Variants in TRAPPC9 observed in about 807,000 individuals in gnomAD.
TRAPPC9 encodes the protein IKK2 binding protein.
Under a neutral mutation model 124.0 loss-of-function variants are expected in TRAPPC9, and 83 were observed. The observed-to-expected ratio is 0.67, with a 90% CI of 0.56 to 0.80. The LOEUF (loss-of-function observed/expected upper bound fraction) is 0.80. Among genes scored for constraint, TRAPPC9 ranks in the 30% least tolerant of loss-of-function variants. The pLI is 0.00. For synonymous variants in TRAPPC9, 638 were observed against 617.5 expected, an observed-to-expected ratio of 1.03 and a Z score of -0.49; for missense variants, 1,302 against 1,508.3, an observed-to-expected ratio of 0.86 and a Z score of 2.27.
intron 17 of TRAPPC9, among the ~76,000 whole-genome samples, chr8:140,107,804 C>T (rs1478717953): frequency 1.3e-5 from 2 of 152,174 alleles, no homozygotes; most frequent in Non-Finnish European, 2.9e-5. Flanking sequence ...GCATGCATGG[C>T]GCACTCTGAC....
chr8:140,293,308 G>A (rs1234251505), intron 11 of TRAPPC9, among the ~76,000 whole-genome samples: 1 of 151,236 alleles, frequency 6.6e-6, no homozygotes, highest in African/African-American at 2.5e-5. Context: ...TCAGTGTGGC[G>A]ATTCCTCAGG....
chr8:140,244,419 G>A (rs2063930315), intron 16 of TRAPPC9, among the ~76,000 whole-genome samples: 1 of 152,154 alleles, frequency 6.6e-6, no homozygotes, highest in Non-Finnish European at 1.5e-5. Flanking sequence ...ACTGTCAGCA[G>A]GGAAAGTTGA....
intron 19 of TRAPPC9, among the ~76,000 whole-genome samples, chr8:139,928,328 C>T (rs1166603389): frequency 1.3e-5 from 2 of 152,082 alleles, no homozygotes; most frequent in East Asian, 3.9e-4. Context: ...GCCGTCTCTA[C>T]TAAAAAGACA....
rs1010330936 is a variant in TRAPPC9, at chr8:140,435,012, A to G, written c.859+100T>C. The G allele has an allele frequency of 1.2e-5, 19 of 1,550,616 alleles. No individual in the cohort carries two copies. The Admixed American group carries it at 3.8e-4, about 31-fold the overall frequency. ...ACTGACTCAACAGATTTTACAGTTT[A>G]TTTAAATATTAGTCCTAACTCAAAG... On this transcript the variant is annotated intron_variant, in intron 4 of 22. Coordinates refer to ENST00000438773, the MANE Select transcript of TRAPPC9 (RefSeq NM_001160372.4).
At chr8:139,745,211 G>A (rs13268917) in intron 21 of TRAPPC9, among the ~76,000 whole-genome samples, 115,932 of 152,206 alleles carry the variant, frequency 0.76, 45,861 homozygotes, top group East Asian at 0.89. Context: ...CAGGATCCTC[G>A]GGTCGAAGGC....
intron 15 of TRAPPC9, among the ~76,000 whole-genome samples, chr8:140,256,368 ACAT>A (rs1338810617): frequency 6.6e-6 from 1 of 152,218 alleles, no homozygotes; most frequent in East Asian, 1.9e-4. Context: ...ACACAAAATC[ACAT>A]CATCAATTGG....
chr8:140,186,579 A>AT (rs2062359735), intron 17 of TRAPPC9, among the ~76,000 whole-genome samples: 1 of 152,154 alleles, frequency 6.6e-6, no homozygotes, highest in East Asian at 1.9e-4. Context: ...AAAAAAAAAA[A>AT]GTTATTAAAT....
At chr8:139,887,113 G>A (rs1367235942) in intron 20 of TRAPPC9, among the ~76,000 whole-genome samples, 1 of 152,012 alleles carries the variant, frequency 6.6e-6, no homozygotes, top group East Asian at 1.9e-4. Context: ...AAGAGAGCCC[G>A]CCGGTCACAC....
At chr8:140,102,169 A>C (rs772740489) in intron 17 of TRAPPC9, among the ~76,000 whole-genome samples, 1 of 152,168 alleles carries the variant, frequency 6.6e-6, no homozygotes, top group Non-Finnish European at 1.5e-5. Flanking sequence ...TTTGTAAGAG[A>C]CAATAAATGT....
intron 16 of TRAPPC9, among the ~76,000 whole-genome samples, chr8:140,234,016 CTTAAAT>C (rs1472539127): frequency 6.6e-6 from 1 of 152,140 alleles, no homozygotes; most frequent in African/African-American, 2.4e-5. Flanking sequence ...AATGTGGGTA[CTTAAAT>C]TTAAAGTAAT....
At chr8:139,926,843 G>T (rs1832848778) in intron 19 of TRAPPC9, among the ~76,000 whole-genome samples, 1 of 151,988 alleles carries the variant, frequency 6.6e-6, no homozygotes, top group Non-Finnish European at 1.5e-5. Flanking sequence ...AAACTAAACT[G>T]CATCAAATGT....
intron 7 of TRAPPC9, among the ~76,000 whole-genome samples, chr8:140,383,191 G>GA (rs1203852403): frequency 1.3e-5 from 2 of 152,178 alleles, no homozygotes; most frequent in Non-Finnish European, 2.9e-5. Flanking sequence ...ACCAAAGGTA[G>GA]AAAAAACCAC....
At chr8:139,995,510 T>C (rs1837908888) in intron 18 of TRAPPC9, among the ~76,000 whole-genome samples, 1 of 152,040 alleles carries the variant, frequency 6.6e-6, no homozygotes, top group Admixed American at 6.5e-5. Flanking sequence ...TTTGCATCAC[T>C]CTGATTTCCT....
intron 17 of TRAPPC9, among the ~76,000 whole-genome samples, chr8:140,143,476 A>G (rs968557494): frequency 2.0e-4 from 31 of 152,220 alleles, no homozygotes; most frequent in African/African-American, 7.5e-4. Flanking sequence ...ATACAGAAAA[A>G]TGCGTAACAC....
chr8:139,897,307 G>T (rs1830725557), intron 20 of TRAPPC9, among the ~76,000 whole-genome samples: 1 of 152,212 alleles, frequency 6.6e-6, no homozygotes, highest in South Asian at 2.1e-4. Context: ...GCTGGGGCTA[G>T]CCCTGCTCAG....
intron 8 of TRAPPC9, among the ~76,000 whole-genome samples, chr8:140,367,117 T>C (rs937536088): frequency 1.3e-5 from 2 of 152,190 alleles, no homozygotes; most frequent in Non-Finnish European, 2.9e-5. Context: ...CATTCATTGC[T>C]GAAGGGGATG....
chr8:140,455,941 T>C (rs2071644739), intron 1 of TRAPPC9, among the ~76,000 whole-genome samples: 1 of 152,206 alleles, frequency 6.6e-6, no homozygotes, highest in Non-Finnish European at 1.5e-5. Flanking sequence ...TATGATTCCA[T>C]TAATAGGAAA....
At chr8:140,364,709 A>T (rs949945843) in intron 8 of TRAPPC9, among the ~76,000 whole-genome samples, 2 of 151,794 alleles carry the variant, frequency 1.3e-5, no homozygotes, top group African/African-American at 2.4e-5. Flanking sequence ...CAACCTCCTG[A>T]GTAGCTAGGA....
At chr8:139,875,336 C>T (rs1243391221) in intron 21 of TRAPPC9, among the ~76,000 whole-genome samples, 1 of 152,132 alleles carries the variant, frequency 6.6e-6, no homozygotes, top group African/African-American at 2.4e-5. Context: ...AGGGTTGCCA[C>T]AGGGACGCAG....
Sources: gnomAD v4.1 joint callset for allele counts (sites outside exome capture counted in the v4.1 genomes callset) on GRCh38, gnomAD v4.1.1 for gene constraint, MANE v1.5 for transcripts, NCBI Gene and HGNC (gene_info 2026-07-23, HGNC 2026-07-21) for gene names.